PRR16: variants seen among roughly 807,000 people sequenced by gnomAD.
The protein encoded by PRR16 is protein Largen.
In PRR16, 6 loss-of-function variants were observed where a neutral mutation model predicts 18.2. The observed-to-expected ratio is 0.33, with a 90% CI of 0.18 to 0.65. The LOEUF is 0.65. PRR16 is among the 30% of genes least tolerant of loss of function. The pLI is 0.74. For synonymous variants in PRR16, 151 were observed against 147.8 expected (o/e 1.02, Z -0.16); for missense variants, 412 against 376.6 (o/e 1.09, Z -0.78).
chr5:120,743,062 G>A, the PRR16 span, among the ~76,000 whole-genome samples: 1 of 152,158 alleles, frequency 6.6e-6, no homozygotes, highest in South Asian at 2.1e-4. Flanking sequence ...CAAAGTTCCT[G>A]TTCTACCTAT....
intron 1 of PRR16, among the ~76,000 whole-genome samples, chr5:120,633,376 C>A (rs1172354173): frequency 1.3e-5 from 2 of 152,086 alleles, no homozygotes; most frequent in Non-Finnish European, 2.9e-5. Flanking sequence ...CACCTCAATA[C>A]TAAAGTTGAA....
chr5:120,528,687 G>A (rs1200816222), intron 1 of PRR16, among the ~76,000 whole-genome samples: 1 of 152,078 alleles, frequency 6.6e-6, no homozygotes, highest in Non-Finnish European at 1.5e-5. Flanking sequence ...AAATCCAGAG[G>A]TGATTTATGG....
At chr5:120,548,469 T>G (rs1353786830) in intron 1 of PRR16, among the ~76,000 whole-genome samples, 1 of 152,132 alleles carries the variant, frequency 6.6e-6, no homozygotes, top group Non-Finnish European at 1.5e-5. Context: ...TTTTCACTAC[T>G]GGCTAAGCGT....
At chr5:120,486,646 T>C (rs1749811005) in intron 1 of PRR16, among the ~76,000 whole-genome samples, 1 of 152,218 alleles carries the variant, frequency 6.6e-6, no homozygotes, top group African/African-American at 2.4e-5. Flanking sequence ...AGCTCTTTAG[T>C]TTAATTAGAT....
chr5:120,477,533 G>A (rs1282327012), intron 1 of PRR16, among the ~76,000 whole-genome samples: 2 of 152,080 alleles, frequency 1.3e-5, no homozygotes, highest in Non-Finnish European at 2.9e-5. Context: ...CCTGGTCCAA[G>A]CCACACTTTA....
chr5:120,570,077 C>T (rs979776557), intron 1 of PRR16, among the ~76,000 whole-genome samples: 7 of 152,142 alleles, frequency 4.6e-5, no homozygotes, highest in African/African-American at 1.7e-4. Context: ...GGATTTGCTT[C>T]ATTCCCAGAT....
the PRR16 span, among the ~76,000 whole-genome samples, chr5:120,789,182 A>T: frequency 6.6e-6 from 1 of 152,088 alleles, no homozygotes; most frequent in Non-Finnish European, 1.5e-5. Flanking sequence ...TCATTATACT[A>T]GGTTTATAGT....
chr5:120,783,730 AC>A, the PRR16 span, among the ~76,000 whole-genome samples: 1 of 152,116 alleles, frequency 6.6e-6, no homozygotes, highest in African/African-American at 2.4e-5. Context: ...AACATTCCAA[AC>A]CCACTCTAGT....
intron 1 of PRR16, among the ~76,000 whole-genome samples, chr5:120,650,665 T>C (rs1228536978): frequency 1.3e-5 from 2 of 152,136 alleles, no homozygotes; most frequent in Non-Finnish European, 2.9e-5. Context: ...AACTCATCAT[T>C]TTTATGGCTG....
At chr5:120,657,803 T>TGAA (rs1554092617) in intron 1 of PRR16, among the ~76,000 whole-genome samples, 4 of 152,100 alleles carry the variant, frequency 2.6e-5, no homozygotes, top group Admixed American at 6.6e-5. Flanking sequence ...GAACGCATGT[T>TGAA]CCCCCACCTA....
At chr5:120,489,141 G>A (rs1338763214) in intron 1 of PRR16, among the ~76,000 whole-genome samples, 1 of 152,182 alleles carries the variant, frequency 6.6e-6, no homozygotes, top group Non-Finnish European at 1.5e-5. Flanking sequence ...GATTTGGGGT[G>A]GAGAGGTCTG....
the PRR16 span, among the ~76,000 whole-genome samples, chr5:120,717,640 G>A: frequency 6.6e-6 from 1 of 152,208 alleles, no homozygotes; most frequent in South Asian, 2.1e-4. Context: ...GATGGCATTT[G>A]ACTTTTAAAA....
the PRR16 span, among the ~76,000 whole-genome samples, chr5:120,696,534 C>T: frequency 6.6e-6 from 1 of 152,186 alleles, no homozygotes; most frequent in African/African-American, 2.4e-5. Context: ...CTTTATTGAC[C>T]TCTTAATAGG....
chr5:120,605,077 G>A (rs560204385), intron 1 of PRR16, among the ~76,000 whole-genome samples: 7 of 152,202 alleles, frequency 4.6e-5, no homozygotes, highest in East Asian at 3.9e-4. Context: ...GAATTTGCAC[G>A]TCAGCCTGTC....
In PRR16 at chr5:120,634,459, C is replaced by A. The variant is rs564461903; in HGVS notation, c.160-51495C>A. On this transcript the variant is annotated intron_variant, in intron 1 of 1. Transcript: ENST00000407149. The stretch of plus-strand genomic sequence containing the variant: ...AGGAGCTCAAGACAAGCCTGGCCAA[C>A]ATGGTGAAACGCCATCTCTACTAAA... Among the ~76,000 whole-genome samples the A allele has an allele frequency of 2.0e-5, 3 of 152,202 alleles. 1 individual carries two copies. The highest frequency in any genetic ancestry group is 4.1e-4 in the South Asian group (2 of 4,830).
the PRR16 span, among the ~76,000 whole-genome samples, chr5:120,760,660 A>G: frequency 6.6e-6 from 1 of 152,084 alleles, no homozygotes; most frequent in Non-Finnish European, 1.5e-5. Flanking sequence ...ATTTTTCCTG[A>G]CCACAGGATC....
downstream of PRR16, among the ~76,000 whole-genome samples, chr5:120,689,759 G>GTT (rs201079686): frequency 6.9e-6 from 1 of 144,372 alleles, no homozygotes; most frequent in African/African-American, 2.5e-5. Flanking sequence ...GGGTGTTTTG[G>GTT]TTTTTTTTTT....
At chr5:120,775,311 G>C in the PRR16 span, among the ~76,000 whole-genome samples, 784 of 152,062 alleles carry the variant, frequency 5.2e-3, 10 homozygotes, top group South Asian at 0.046. Flanking sequence ...TCCTGTCTTA[G>C]GAAATGGCAT....
chr5:120,601,287 C>G (rs1299422816), intron 1 of PRR16, among the ~76,000 whole-genome samples: 1 of 151,618 alleles, frequency 6.6e-6, no homozygotes, highest in Non-Finnish European at 1.5e-5. Flanking sequence ...GGAGATGATG[C>G]TTTCTTGTGG....
Sources: allele counts gnomAD v4.1 joint callset (sites outside exome capture counted in the v4.1 genomes callset), GRCh38; gene constraint gnomAD v4.1.1; transcripts MANE v1.5; gene names NCBI Gene and HGNC (gene_info 2026-07-23, HGNC 2026-07-21).